Variants in STIM1 observed in about 807,000 individuals in gnomAD.
STIM1 encodes the protein stromal interaction molecule 1.
A neutral mutation model predicts 74.7 loss-of-function variants in STIM1; 25 were observed. The observed-to-expected ratio is 0.33, with a 90% CI of 0.24 to 0.47. The LOEUF (loss-of-function observed/expected upper bound fraction) is 0.47. Among genes scored for constraint, STIM1 ranks in the 20% least tolerant of loss-of-function variants. The pLI is 1.00. For missense variants in STIM1, 728 were observed against 920.8 expected, an observed-to-expected ratio of 0.79 and a Z score of 2.71; for synonymous variants, 328 against 348.8, an observed-to-expected ratio of 0.94 and a Z score of 0.66.
chr11:3,925,529 A>G (rs1308609979), intron 1 of STIM1, among the ~76,000 whole-genome samples: 1 of 152,266 alleles, frequency 6.6e-6, no homozygotes. Context: ...CAGGACATGT[A>G]TAAAGAGACT....
chr11:3,914,278 C>T (rs1486360360), intron 1 of STIM1, among the ~76,000 whole-genome samples: 2 of 151,896 alleles, frequency 1.3e-5, no homozygotes, highest in Non-Finnish European at 2.9e-5. Context: ...TTTCAAGGTC[C>T]ATCTATGTTG....
intron 5 of STIM1, among the ~76,000 whole-genome samples, chr11:4,067,913 A>G (rs1159947441): frequency 3.3e-5 from 5 of 152,226 alleles, no homozygotes; most frequent in South Asian, 2.1e-4. Flanking sequence ...TAGGCAAGTG[A>G]TGATCACTAG....
chr11:3,863,929 G>A (rs185133633), intron 1 of STIM1, among the ~76,000 whole-genome samples: 124 of 152,082 alleles, frequency 8.2e-4, no homozygotes, highest in African/African-American at 2.7e-3. Context: ...TCATAGGTAC[G>A]TATGTGTAGG....
At chr11:4,088,217 T>C (rs1026200155) in intron 12 of STIM1, among the ~76,000 whole-genome samples, 1 of 152,182 alleles carries the variant, frequency 6.6e-6, no homozygotes, top group Non-Finnish European at 1.5e-5. Flanking sequence ...AGCCTTGACC[T>C]TGCCTGGAAC....
chr11:3,952,482 C>T (rs182395928), intron 1 of STIM1, among the ~76,000 whole-genome samples: 1 of 151,542 alleles, frequency 6.6e-6, no homozygotes, highest in African/African-American at 2.4e-5. Flanking sequence ...TTGTATAGAG[C>T]TTTACTATTT....
intron 1 of STIM1, among the ~76,000 whole-genome samples, chr11:3,941,673 T>TATATAGAGAGAGAGAG (rs141623520): frequency 7.7e-5 from 7 of 90,734 alleles, no homozygotes; most frequent in Admixed American, 1.4e-4. Flanking sequence ...TATATATATA[T>TATATAGAGAGAGAGAG]AGAGAGAGAG....
At chr11:3,905,420 A>G (rs2092449415) in intron 1 of STIM1, among the ~76,000 whole-genome samples, 1 of 150,596 alleles carries the variant, frequency 6.6e-6, no homozygotes, top group East Asian at 2.0e-4. Flanking sequence ...CTGAGCTGGT[A>G]TAGGTTGTGG....
At chr11:4,084,550 A>T (rs1455574484) in intron 10 of STIM1, 123 bp from the exon 11 acceptor site, 5 of 645,662 alleles carry the variant, frequency 7.7e-6, no homozygotes, top group South Asian at 6.2e-5. Flanking sequence ...GCTGGGAGGG[A>T]CCTTAATTAG....
chr11:3,901,314 A>G (rs565229573), intron 1 of STIM1, among the ~76,000 whole-genome samples: 2 of 152,372 alleles, frequency 1.3e-5, no homozygotes, highest in African/African-American at 2.4e-5. Context: ...AAGGAAAGGT[A>G]TACAGGGTTT....
intron 1 of STIM1, among the ~76,000 whole-genome samples, chr11:3,944,905 T>C (rs1259095419): frequency 6.6e-6 from 1 of 152,224 alleles, no homozygotes; most frequent in Non-Finnish European, 1.5e-5. Context: ...AATTTCATCT[T>C]TCTGTTCTTT....
intron 2 of STIM1, among the ~76,000 whole-genome samples, chr11:3,989,724 G>A (rs540822099): frequency 7.4e-4 from 113 of 152,298 alleles, no homozygotes; most frequent in African/African-American, 2.6e-3. Flanking sequence ...AGCCACTCTC[G>A]TTCATTTACA....
chr11:4,058,719 G>A, intron 4 of STIM1: 1 of 854,706 alleles, frequency 1.2e-6, no homozygotes. Context: ...AACTTGTATT[G>A]CAGTGACTCA....
At chr11:3,883,117 C>G (rs1170815550) in intron 1 of STIM1, among the ~76,000 whole-genome samples, 1 of 151,762 alleles carries the variant, frequency 6.6e-6, no homozygotes, top group African/African-American at 2.4e-5. Flanking sequence ...ACTTAAAAAT[C>G]ACCCACTAGC....
At chr11:4,010,346 T>G (rs1458334198) in intron 2 of STIM1, among the ~76,000 whole-genome samples, 1 of 152,008 alleles carries the variant, frequency 6.6e-6, no homozygotes, top group Non-Finnish European at 1.5e-5. Context: ...GATTTTTGTA[T>G]TTTTAGTGGA....
At chr11:4,047,489 G>A (rs2094202442) in intron 3 of STIM1, among the ~76,000 whole-genome samples, 1 of 152,108 alleles carries the variant, frequency 6.6e-6, no homozygotes, top group African/African-American at 2.4e-5. Flanking sequence ...GGCGGCATGT[G>A]TCTGTAATCC....
At chr11:3,857,397 A>G (rs1359818786) in intron 1 of STIM1, among the ~76,000 whole-genome samples, 1 of 151,762 alleles carries the variant, frequency 6.6e-6, no homozygotes, top group Non-Finnish European at 1.5e-5. Context: ...ACTAAACACA[A>G]GAGCCACTGG....
At chr11:3,992,094 T>G (rs1333517955) in intron 2 of STIM1, among the ~76,000 whole-genome samples, 17 of 135,956 alleles carry the variant, frequency 1.3e-4, no homozygotes, top group Admixed American at 4.4e-4. Flanking sequence ...TTTTTGTTTT[T>G]TTTTTTTTTT....
At chr11:3,993,395 G>T (rs936900138) in intron 2 of STIM1, among the ~76,000 whole-genome samples, 2 of 152,180 alleles carry the variant, frequency 1.3e-5, no homozygotes, top group Non-Finnish European at 2.9e-5. Context: ...GATGGCTCAA[G>T]CCTGTAATCC....
chr11:4,076,523 G>A (rs1021078528), intron 7 of STIM1, among the ~76,000 whole-genome samples: 7 of 135,770 alleles, frequency 5.2e-5, no homozygotes, highest in African/African-American at 1.9e-4. Context: ...AAAAATTGAT[G>A]CTTTTTGCTT....
Sources: allele counts gnomAD v4.1 joint callset (sites outside exome capture counted in the v4.1 genomes callset), GRCh38; gene constraint gnomAD v4.1.1; transcripts MANE v1.5; gene names NCBI Gene and HGNC (gene_info 2026-07-23, HGNC 2026-07-21).